Variants in PSD3 observed in about 807,000 individuals in gnomAD.
PSD3 encodes pleckstrin and Sec7 domain containing 3.
A neutral mutation model predicts 105.5 loss-of-function variants in PSD3; 49 were observed. That is an observed-to-expected ratio of 0.46 (90% confidence interval 0.37 to 0.59). PSD3 has a LOEUF of 0.59. Among genes scored for constraint, PSD3 ranks in the 20% least tolerant of loss-of-function variants. PSD3 has a pLI of 0.00. For missense variants in PSD3, 1,561 were observed against 1,263.8 expected, an observed-to-expected ratio of 1.24 and a Z score of -3.57; for synonymous variants, 557 against 457.8, an observed-to-expected ratio of 1.22 and a Z score of -2.77.
Position 18,701,632 on chromosome 8 carries a change from A to C in PSD3, c.2173-45947T>G, listed in dbSNP as rs1801587982. Among the ~76,000 whole-genome samples, 4 of 152,236 alleles carry C rather than the reference A, an allele frequency of 2.6e-5. No individual in the cohort carries two copies. In the South Asian group the frequency reaches 8.3e-4, roughly 32 times the overall value. Reference sequence around the variant, plus strand: ...GAAGGAAACAAAAAAGTGGCTTCCTAGTAGTGCAGAGTAAGTTCCAAGATG... The same window carrying C: ...GAAGGAAACAAAAAAGTGGCTTCCTCGTAGTGCAGAGTAAGTTCCAAGATG... On this transcript the variant is annotated intron_variant, in intron 9 of 15. Coordinates refer to ENST00000327040, the MANE Select transcript of PSD3 (RefSeq NM_015310.4).
chr8:19,025,172 A>G (rs575104725), intron 1 of PSD3, among the ~76,000 whole-genome samples: 1 of 144,338 alleles, frequency 6.9e-6, no homozygotes, highest in East Asian at 2.2e-4. Flanking sequence ...GGTTTCACCT[A>G]GGATCTCATT....
chr8:18,721,674 T>A (rs1433120439), intron 9 of PSD3, among the ~76,000 whole-genome samples: 1 of 152,184 alleles, frequency 6.6e-6, no homozygotes, highest in Non-Finnish European at 1.5e-5. Context: ...CATAAACCGA[T>A]GATCATTCTG....
At chr8:18,816,311 A>G (rs1468816889) in intron 4 of PSD3, among the ~76,000 whole-genome samples, 1 of 152,236 alleles carries the variant, frequency 6.6e-6, no homozygotes, top group Non-Finnish European at 1.5e-5. Context: ...TTTACAAAAA[A>G]GGAAACTGAG....
chr8:18,689,497 G>C (rs917140196), intron 9 of PSD3, among the ~76,000 whole-genome samples: 1 of 152,136 alleles, frequency 6.6e-6, no homozygotes, highest in African/African-American at 2.4e-5. Flanking sequence ...ATTGTCTAGA[G>C]GTACAATTAG....
chr8:18,939,463 A>G (rs996274544), intron 1 of PSD3, among the ~76,000 whole-genome samples: 1 of 152,098 alleles, frequency 6.6e-6, no homozygotes, highest in Non-Finnish European at 1.5e-5. Flanking sequence ...GTTTGAAATG[A>G]TAATAGTTAC....
chr8:19,080,683 T>A (rs1689068031), intron 1 of PSD3, among the ~76,000 whole-genome samples: 1 of 152,142 alleles, frequency 6.6e-6, no homozygotes, highest in African/African-American at 2.4e-5. Context: ...TACAAGCTAG[T>A]GATCAAAGCT....
intron 15 of PSD3, among the ~76,000 whole-genome samples, chr8:18,548,865 T>A (rs1029862314): frequency 6.6e-6 from 1 of 152,202 alleles, no homozygotes; most frequent in African/African-American, 2.4e-5. Flanking sequence ...AACTTTCTGA[T>A]GGAGGTCTAC....
intron 1 of PSD3, among the ~76,000 whole-genome samples, chr8:18,953,304 T>C (rs1181276654): frequency 7.5e-6 from 1 of 133,064 alleles, no homozygotes; most frequent in Non-Finnish European, 1.7e-5. Context: ...TCTCTCCATA[T>C]GTGTGTGTAT....
rs1799640949 is a variant in PSD3 at position 18,531,724 on chromosome 8, C to G, written c.*4019G>C. The G allele has an allele frequency of 2.0e-5, 3 of 152,200 alleles. No individual in the cohort carries two copies. 9.4% of individuals were successfully genotyped at this position (152,200 alleles called of 1,614,324 possible). ...GACAAAAGCAGATACTATTTAAACT[C>G]CAACTTGGACAATTCCTCATAAACT... On this transcript the variant is annotated 3_prime_UTR_variant, in exon 16 of 16. Transcript: ENST00000327040.
chr8:18,643,854 G>C (rs546907933), intron 10 of PSD3, among the ~76,000 whole-genome samples: 150 of 152,324 alleles, frequency 9.8e-4, no homozygotes, highest in African/African-American at 3.5e-3. Flanking sequence ...TACATTCTGT[G>C]TGCCTGCAGA....
chr8:18,871,286 T>G (rs1017866996), intron 3 of PSD3, among the ~76,000 whole-genome samples: 2 of 152,154 alleles, frequency 1.3e-5, no homozygotes, highest in Admixed American at 6.5e-5. Context: ...AAGATGACTG[T>G]GGGGTATGTT....
chr8:18,779,062 G>A (rs2129445091), intron 8 of PSD3, among the ~76,000 whole-genome samples: 1 of 152,208 alleles, frequency 6.6e-6, no homozygotes, highest in South Asian at 2.1e-4. Flanking sequence ...GTAGCATTCA[G>A]CAGTAAAAAT....
intron 9 of PSD3, among the ~76,000 whole-genome samples, chr8:18,760,631 G>A (rs904699392): frequency 2.0e-5 from 3 of 152,060 alleles, no homozygotes; most frequent in Admixed American, 6.6e-5. Flanking sequence ...TTATCCATTC[G>A]TCTGCTGATG....
chr8:18,738,898 G>A (rs540117346), intron 9 of PSD3, among the ~76,000 whole-genome samples: 1,519 of 6,476 alleles, frequency 0.23, 16 homozygotes, highest in South Asian at 0.51. Flanking sequence ...AAAAATTCTA[G>A]TCATTTTTTT....
chr8:18,954,890 C>T (rs1421087304), intron 1 of PSD3, among the ~76,000 whole-genome samples: 1 of 152,126 alleles, frequency 6.6e-6, no homozygotes, highest in African/African-American at 2.4e-5. Flanking sequence ...ACCCTCATCC[C>T]AAGTTCAATG....
chr8:19,042,968 G>C (rs1466385917), intron 1 of PSD3, among the ~76,000 whole-genome samples: 4 of 152,174 alleles, frequency 2.6e-5, no homozygotes, highest in African/African-American at 9.7e-5. Flanking sequence ...GAATAGGCTG[G>C]AGGTACTGAC....
chr8:18,832,706 A>G (rs990453626), intron 4 of PSD3, among the ~76,000 whole-genome samples: 3 of 152,202 alleles, frequency 2.0e-5, no homozygotes, highest in Non-Finnish European at 4.4e-5. Context: ...ACACTTCCAC[A>G]TGGCTGGAGA....
At chr8:18,673,198 C>A (rs1287835448) in intron 9 of PSD3, among the ~76,000 whole-genome samples, 2 of 149,368 alleles carry the variant, frequency 1.3e-5, no homozygotes, top group Non-Finnish European at 2.9e-5. Context: ...ACACACACAC[C>A]CATCCACACA....
At chr8:18,916,349 TACAC>T (rs1216820670) in intron 2 of PSD3, among the ~76,000 whole-genome samples, 4 of 44,742 alleles carry the variant, frequency 8.9e-5, no homozygotes, top group East Asian at 1.0e-3. Flanking sequence ...TATATATATA[TACAC>T]ACACACACAC....
Sources: allele counts gnomAD v4.1 joint callset (sites outside exome capture counted in the v4.1 genomes callset), GRCh38; gene constraint gnomAD v4.1.1; transcripts MANE v1.5; gene names NCBI Gene and HGNC (gene_info 2026-07-23, HGNC 2026-07-21).